NOL9: variants seen among roughly 807,000 people sequenced by gnomAD.
The protein encoded by NOL9 is polynucleotide 5'-hydroxyl-kinase NOL9.
In NOL9, 28 loss-of-function variants were observed where a neutral mutation model predicts 67.9. The ratio of observed to expected loss-of-function variants is 0.41; its 90% CI spans 0.31 to 0.57. The LOEUF (loss-of-function observed/expected upper bound fraction) is 0.57. Ranked by LOEUF, NOL9 falls within the 20% of genes least tolerant of loss-of-function variation. The pLI is 0.25. For synonymous variants in NOL9, 356 were observed against 352.2 expected, an observed-to-expected ratio of 1.01 and a Z score of -0.12; for missense variants, 777 against 897.0, an observed-to-expected ratio of 0.87 and a Z score of 1.71.
chr1:6,546,645 T>C (rs1055653673), intron 3 of NOL9, among the ~76,000 whole-genome samples: 4 of 152,104 alleles, frequency 2.6e-5, no homozygotes, highest in Non-Finnish European at 5.9e-5. Context: ...ACCGGACCCA[T>C]CCCTGGTAGC....
At chr1:6,529,264 G>A in intron 9 of NOL9, 93 bp from the exon 10 acceptor site, 2 of 1,126,220 alleles carry the variant, frequency 1.8e-6, no homozygotes, top group Non-Finnish European at 2.6e-6. Context: ...CTAAAGATAG[G>A]TCTGCCAAAG....
chr1:6,536,561 C>T (rs972082654), intron 6 of NOL9, among the ~76,000 whole-genome samples: 29 of 152,000 alleles, frequency 1.9e-4, no homozygotes, highest in African/African-American at 5.3e-4. Context: ...GGTGCAGTGG[C>T]TCACACTTGT....
Position 6,554,182 on chromosome 1 carries a change from G to A in NOL9, c.321C>T (p.Cys107=), listed in dbSNP as rs1369564027. ...SEPELESASS[C]HRPLLIPPVR... is the part of the protein sequence containing the mutation. ...CCGGTGGGATGAGGAGAGGCCGGTG[G>A]CAACTCGAGGCGGATTCGAGTTCGG... Residue 107 remains cysteine, a synonymous_variant, in exon 1 of 12, where the codon TGC becomes TGT. Transcript: ENST00000377705. The A allele has an allele frequency of 1.3e-6, 2 of 1,523,680 alleles. No individual in the cohort carries two copies. Among genetic ancestry groups the A allele is most frequent in the Non-Finnish European group, 1.8e-6 (2 of 1,135,102 alleles). The allele number at this position is 1,523,680 out of a possible 1,614,324, so 94.4% of individuals were successfully genotyped here. A position where few individuals can be genotyped will look rare whatever the true frequency, so the allele number is the denominator to read the frequency against.
intron 1 of NOL9, 66 bp from the exon 2 acceptor site, chr1:6,550,681 A>ATC: frequency 8.0e-6 from 8 of 1,002,490 alleles, no homozygotes; most frequent in Non-Finnish European, 1.1e-5. Context: ...ACATTCTAAA[A>ATC]TCTTTTTTTT....
chr1:6,528,232 C>T (rs1638934414), intron 10 of NOL9, among the ~76,000 whole-genome samples: 1 of 152,206 alleles, frequency 6.6e-6, no homozygotes, highest in East Asian at 1.9e-4. Flanking sequence ...AGCCCTGGTC[C>T]AGACCCTGGA....
rs530033872 is a variant in NOL9 at position 6,533,132 on chromosome 1, G to A, written c.1237+148C>T. On this transcript the variant is annotated intron_variant, in intron 7 of 11. Transcript: ENST00000377705. ...AGAGGATGCAGTGAGCCGAGATCAC[G>A]CCATTGCACTCCAGCCTGGGCGACA... 150 of 745,636 alleles carry A rather than the reference G, an allele frequency of 2.0e-4. 1 individual carries two copies. The Admixed American group carries it at 4.5e-3, about 22-fold the overall frequency. The allele number at this position is 745,636 out of a possible 1,614,324, so 46.2% of individuals were successfully genotyped here. A position where few individuals can be genotyped will look rare whatever the true frequency, so the allele number is the denominator to read the frequency against.
chr1:6,532,255 T>C, intron 8 of NOL9, 176 bp from the exon 9 acceptor site: 1 of 719,282 alleles, frequency 1.4e-6, no homozygotes, highest in Non-Finnish European at 2.3e-6. Context: ...TAAGTCAAAG[T>C]TGCTGGCAGC....
chr1:6,550,249 T>C (rs1281361970), intron 2 of NOL9, 147 bp downstream of exon 2: 6 of 641,090 alleles, frequency 9.4e-6, no homozygotes, highest in South Asian at 1.8e-5. Flanking sequence ...GCCAGGATGG[T>C]CTCGATCTCC....
intron 11 of NOL9, among the ~76,000 whole-genome samples, chr1:6,526,274 G>A (rs1638882120): frequency 6.6e-6 from 1 of 152,128 alleles, no homozygotes; most frequent in African/African-American, 2.4e-5. Context: ...TTTCAAATGA[G>A]GGACACTGGA....
rs573012672 is a variant in NOL9 at position 6,547,982 on chromosome 1, CTTCCTACAATACAGG to C, written c.744+1574_744+1588del. On this transcript the variant is annotated intron_variant, in intron 3 of 11. Coordinates refer to ENST00000377705, the MANE Select transcript of NOL9 (RefSeq NM_024654.5). ...GCTTCCTACAATACACCGTCATAGG[CTTCCTACAATACAGG>C]CTCTAACAAAACTAGGCTGTCCCGA... The C allele has an allele frequency of 8.8e-4, 257 of 292,124 alleles. 3 individuals carry two copies. The highest frequency in any genetic ancestry group is 1.3e-3 in the Non-Finnish European group (188 of 144,728). 18.1% of individuals were successfully genotyped at this position (292,124 alleles called of 1,614,324 possible). A position where few individuals can be genotyped will look rare whatever the true frequency, so the allele number is the denominator to read the frequency against.
chr1:6,538,773 A>G (rs1431776166), intron 6 of NOL9, among the ~76,000 whole-genome samples: 1 of 152,118 alleles, frequency 6.6e-6, no homozygotes, highest in Non-Finnish European at 1.5e-5. Flanking sequence ...GCCTGAGGCC[A>G]GGAGTTCGAG....
intron 6 of NOL9, among the ~76,000 whole-genome samples, chr1:6,539,148 T>C (rs1236796634): frequency 1.3e-5 from 2 of 152,112 alleles, no homozygotes; most frequent in African/African-American, 4.8e-5. Flanking sequence ...ACAGCTATAA[T>C]CAAAATAAGC....
intron 1 of NOL9, among the ~76,000 whole-genome samples, chr1:6,552,189 T>C (rs1272498520): frequency 1.3e-5 from 2 of 152,216 alleles, no homozygotes; most frequent in South Asian, 4.1e-4. Flanking sequence ...CTGGGCTTAA[T>C]ACATAGGTGA....
chr1:6,523,674 G>A lies in NOL9; in HGVS notation c.*2180C>T, dbSNP rs1380519064. On this transcript the variant is annotated 3_prime_UTR_variant, in exon 12 of 12. Coordinates refer to ENST00000377705, the MANE Select transcript of NOL9 (RefSeq NM_024654.5). ...TGGAGAATGGTGCTGCTGCAGGTCT[G>A]ACCGGCACAAGCTAGACCTGACAGA... The A allele has an allele frequency of 2.0e-5, 3 of 151,054 alleles. No individual in the cohort carries two copies. Among genetic ancestry groups the A allele is most frequent in the Non-Finnish European group, 4.4e-5 (3 of 68,002 alleles). 9.4% of individuals were successfully genotyped at this position (151,054 alleles called of 1,614,324 possible). A position where few individuals can be genotyped will look rare whatever the true frequency, so the allele number is the denominator to read the frequency against.
At chr1:6,530,274 G>C (rs951901093) in intron 9 of NOL9, among the ~76,000 whole-genome samples, 2 of 152,096 alleles carry the variant, frequency 1.3e-5, no homozygotes, top group African/African-American at 4.8e-5. Context: ...CTAACATGGT[G>C]AAACCCCGTT....
intron 10 of NOL9, among the ~76,000 whole-genome samples, chr1:6,527,925 C>A (rs368965627): frequency 6.6e-6 from 1 of 151,836 alleles, no homozygotes; most frequent in Non-Finnish European, 1.5e-5. Flanking sequence ...AGCAAGACTC[C>A]GTCTCGGAAA....
intron 2 of NOL9, 135 bp downstream of exon 2, chr1:6,550,261 G>A (rs1288009329): frequency 1.4e-6 from 1 of 695,618 alleles, no homozygotes; most frequent in Non-Finnish European, 2.5e-6. Flanking sequence ...TCGATCTCCT[G>A]ACCTCATGAT....
rs546853591 is a variant in NOL9 at position 6,524,744 on chromosome 1, AT to A, written c.*1109del. The A allele has an allele frequency of 3.9e-4, 57 of 147,836 alleles. No individual in the cohort carries two copies. The highest frequency in any genetic ancestry group is 4.2e-4 in the Non-Finnish European group (28 of 66,530). The allele number at this position is 147,836 out of a possible 1,614,324, so 9.2% of individuals were successfully genotyped here. A position where few individuals can be genotyped will look rare whatever the true frequency, so the allele number is the denominator to read the frequency against. On this transcript the variant is annotated 3_prime_UTR_variant, in exon 12 of 12. Transcript: ENST00000377705. ...CCCAGAAGAGGTTTTCCAGATTATTATTTTTTTTTTTTGAGATGGAGTCTTG... is the reference window on the plus strand; with the variant it reads ...CCCAGAAGAGGTTTTCCAGATTATTATTTTTTTTTTTGAGATGGAGTCTTG...
At chr1:6,548,963 T>C (rs1023344656) in intron 3 of NOL9, among the ~76,000 whole-genome samples, 1 of 152,090 alleles carries the variant, frequency 6.6e-6, no homozygotes, top group Non-Finnish European at 1.5e-5. Context: ...GCACCTGTGG[T>C]CCTAGCTACT....
Sources: gnomAD v4.1 joint callset for allele counts (sites outside exome capture counted in the v4.1 genomes callset) on GRCh38, gnomAD v4.1.1 for gene constraint, MANE v1.5 for transcripts, NCBI Gene and HGNC (gene_info 2026-07-23, HGNC 2026-07-21) for gene names.